COP1: variants seen among roughly 807,000 people sequenced by gnomAD.
COP1 encodes the protein E3 ubiquitin-protein ligase COP1.
A neutral mutation model predicts 101.3 loss-of-function variants in COP1; 24 were observed. That is an observed-to-expected ratio of 0.24 (90% CI 0.17 to 0.33). The LOEUF (loss-of-function observed/expected upper bound fraction) is 0.33. COP1 is among the 10% of genes least tolerant of loss of function. The pLI is 1.00. For synonymous variants in COP1, 347 were observed against 341.9 expected (o/e 1.01, Z -0.17); for missense variants, 663 against 906.2 (o/e 0.73, Z 3.45).
chr1:176,200,773 C>T (rs964768483), intron 1 of COP1, among the ~76,000 whole-genome samples: 1 of 152,034 alleles, frequency 6.6e-6, no homozygotes, highest in Admixed American at 6.6e-5. Context: ...GGCTCATACA[C>T]ACATAAAGAA....
At chr1:176,024,202 T>C (rs912020189) in intron 15 of COP1, among the ~76,000 whole-genome samples, 1 of 152,328 alleles carries the variant, frequency 6.6e-6, no homozygotes, top group Admixed American at 6.5e-5. Context: ...GAGGTTGCAG[T>C]GAGCCAATAT....
chr1:176,145,610 CCAA>C (rs954961227), intron 6 of COP1, among the ~76,000 whole-genome samples: 2 of 151,912 alleles, frequency 1.3e-5, no homozygotes, highest in South Asian at 2.1e-4. Flanking sequence ...CAAATGACGA[CCAA>C]CAACAAAAAT....
chr1:175,949,260 T>C (rs1165135445), intron 18 of COP1, among the ~76,000 whole-genome samples: 2 of 140,794 alleles, frequency 1.4e-5, no homozygotes, highest in Non-Finnish European at 3.0e-5. Context: ...TTTCTGGGAC[T>C]TGAGGTATAC....
chr1:175,997,454 A>T (rs1202292262), intron 15 of COP1, among the ~76,000 whole-genome samples: 1 of 152,128 alleles, frequency 6.6e-6, no homozygotes, highest in Non-Finnish European at 1.5e-5. Context: ...CATCAGAGTG[A>T]ATAGGCAACC....
chr1:176,120,617 T>C (rs772764236), intron 8 of COP1, among the ~76,000 whole-genome samples: 4 of 152,180 alleles, frequency 2.6e-5, no homozygotes, highest in Admixed American at 6.5e-5. Context: ...AGCTGTTAAT[T>C]TGAGGTATCA....
At chr1:176,123,868 A>G (rs1008214229) in intron 8 of COP1, among the ~76,000 whole-genome samples, 7 of 152,142 alleles carry the variant, frequency 4.6e-5, no homozygotes, top group Non-Finnish European at 4.4e-5. Context: ...CTTATCACCA[A>G]TTACTTAATC....
intron 9 of COP1, among the ~76,000 whole-genome samples, chr1:176,096,870 A>G (rs1212562656): frequency 6.6e-6 from 1 of 152,154 alleles, no homozygotes; most frequent in African/African-American, 2.4e-5. Context: ...CGTCCTTCAG[A>G]GCCAGACCTG....
chr1:176,076,786 A>C (rs1678103509), intron 11 of COP1, among the ~76,000 whole-genome samples: 1 of 152,152 alleles, frequency 6.6e-6, no homozygotes, highest in African/African-American at 2.4e-5. Flanking sequence ...GACAAAGATG[A>C]CGTTACAACC....
At chr1:176,067,468 T>G (rs939621048) in intron 11 of COP1, among the ~76,000 whole-genome samples, 1 of 152,140 alleles carries the variant, frequency 6.6e-6, no homozygotes, top group Non-Finnish European at 1.5e-5. Context: ...AAGAGCACAC[T>G]GACAGGCACC....
chr1:176,089,065 G>A (rs1680776948), intron 9 of COP1, among the ~76,000 whole-genome samples: 2 of 151,716 alleles, frequency 1.3e-5, no homozygotes, highest in South Asian at 4.1e-4. Context: ...CACTTTGGGA[G>A]GCCGAGGTGT....
chr1:176,161,548 T>C (rs1694324789), intron 5 of COP1, among the ~76,000 whole-genome samples: 1 of 152,020 alleles, frequency 6.6e-6, no homozygotes, highest in Admixed American at 6.6e-5. Flanking sequence ...CAGTGAGCTA[T>C]GACTGTACCA....
rs78574243 is a variant in COP1, at chr1:176,200,075, C to T, written c.407+6497G>A. Among the ~76,000 whole-genome samples the T allele has an allele frequency of 5.7e-4, 87 of 152,216 alleles. 1 individual carries two copies. The East Asian group carries it at 0.016, about 27-fold the overall frequency. ...AAATACTGGTACCACCATTATTAAC[C>T]GTGTAACTGAGACAAGTTATATAAC... On this transcript the variant is annotated intron_variant, in intron 1 of 19. Coordinates refer to ENST00000367669, the MANE Select transcript of COP1 (RefSeq NM_022457.7).
At chr1:176,066,448 T>A (rs1267201636) in intron 11 of COP1, among the ~76,000 whole-genome samples, 1 of 152,142 alleles carries the variant, frequency 6.6e-6, no homozygotes, top group Non-Finnish European at 1.5e-5. Context: ...CTCCTTCCAG[T>A]GATAAAATGG....
chr1:176,155,127 G>C (rs1693249241), intron 5 of COP1, among the ~76,000 whole-genome samples: 1 of 151,986 alleles, frequency 6.6e-6, no homozygotes, highest in South Asian at 2.1e-4. Flanking sequence ...AAAAAAATTA[G>C]TGTTTAATCC....
At chr1:176,074,791 G>GAAA (rs79480972) in intron 11 of COP1, among the ~76,000 whole-genome samples, 25 of 107,316 alleles carry the variant, frequency 2.3e-4, no homozygotes, top group Non-Finnish European at 3.8e-4. Flanking sequence ...TTTCAGGAAT[G>GAAA]AAAAAAAAAA....
chr1:176,143,123 C>A (rs370731534), intron 6 of COP1, among the ~76,000 whole-genome samples: 15 of 146,800 alleles, frequency 1.0e-4, no homozygotes, highest in African/African-American at 2.0e-4. Context: ...ACAGAACAAG[C>A]GAGAGAGAGA....
intron 1 of COP1, among the ~76,000 whole-genome samples, chr1:176,186,444 G>A (rs1488545354): frequency 1.3e-5 from 2 of 152,064 alleles, no homozygotes; most frequent in Non-Finnish European, 2.9e-5. Context: ...AAGAAGCTGA[G>A]GAAGAATGAT....
At chr1:175,982,468 G>T in intron 18 of COP1, 1 of 446,544 alleles carries the variant, frequency 2.2e-6, no homozygotes, top group Non-Finnish European at 4.5e-6. Flanking sequence ...TGAGGATGAA[G>T]ACCTTTATGA....
intron 11 of COP1, among the ~76,000 whole-genome samples, chr1:176,059,065 G>A (rs1293276386): frequency 6.6e-6 from 1 of 152,202 alleles, no homozygotes; most frequent in Non-Finnish European, 1.5e-5. Flanking sequence ...GGACCTTACA[G>A]GTGGTTGCAG....
Sources: allele counts gnomAD v4.1 joint callset (sites outside exome capture counted in the v4.1 genomes callset), GRCh38; gene constraint gnomAD v4.1.1; transcripts MANE v1.5; gene names NCBI Gene and HGNC (gene_info 2026-07-23, HGNC 2026-07-21).